The following FRMD5 variants were observed in gnomAD, a reference collection of about 807,000 sequenced individuals.
The protein encoded by FRMD5 is FERM domain containing 5.
Under a neutral mutation model 69.0 loss-of-function variants are expected in FRMD5, and 20 were observed. The observed-to-expected ratio is 0.29, with a 90% CI of 0.20 to 0.42. The LOEUF is 0.42. Among genes scored for constraint, FRMD5 ranks in the 10% least tolerant of loss-of-function variants. The pLI is 1.00. For synonymous variants in FRMD5, 271 were observed against 260.1 expected (o/e 1.04, Z -0.40); for missense variants, 595 against 708.6 (o/e 0.84, Z 1.82).
At chr15:44,087,377 T>C (rs1438193403) in intron 1 of FRMD5, among the ~76,000 whole-genome samples, 1 of 152,114 alleles carries the variant, frequency 6.6e-6, no homozygotes, top group Non-Finnish European at 1.5e-5. Context: ...TAACACGTAA[T>C]AACATATAAA....
chr15:44,090,832 A>G (rs1482947596), intron 1 of FRMD5, among the ~76,000 whole-genome samples: 3 of 152,194 alleles, frequency 2.0e-5, no homozygotes, highest in African/African-American at 4.8e-5. Flanking sequence ...TAATCACTCT[A>G]TGTCCCATGT....
At chr15:44,059,335 T>C (rs1444334428) in intron 1 of FRMD5, among the ~76,000 whole-genome samples, 1 of 152,082 alleles carries the variant, frequency 6.6e-6, no homozygotes, top group Non-Finnish European at 1.5e-5. Flanking sequence ...ATAAATGCTA[T>C]GATAGAGTCT....
intron 1 of FRMD5, among the ~76,000 whole-genome samples, chr15:43,931,140 G>A (rs769257763): frequency 5.3e-5 from 8 of 152,174 alleles, no homozygotes; most frequent in African/African-American, 1.9e-4. Context: ...CAGACAACTC[G>A]TTCATCTTTC....
At chr15:44,016,946 A>G (rs1280931143) in intron 1 of FRMD5, among the ~76,000 whole-genome samples, 2 of 151,912 alleles carry the variant, frequency 1.3e-5, no homozygotes, top group East Asian at 3.9e-4. Flanking sequence ...CACTGGGCTA[A>G]TTTTTTGTAG....
chr15:43,902,982 T>A (rs762600542), intron 6 of FRMD5, among the ~76,000 whole-genome samples: 2 of 152,154 alleles, frequency 1.3e-5, no homozygotes, highest in Admixed American at 6.5e-5. Context: ...TGAGCTCCCA[T>A]GCTCCACAAC....
intron 1 of FRMD5, among the ~76,000 whole-genome samples, chr15:44,148,003 T>C (rs2077382402): frequency 6.6e-6 from 1 of 151,684 alleles, no homozygotes; most frequent in Admixed American, 6.5e-5. Context: ...TATGACATTA[T>C]CAATTTAGTG....
At chr15:43,980,301 G>C (rs958114821) in intron 1 of FRMD5, among the ~76,000 whole-genome samples, 2 of 152,192 alleles carry the variant, frequency 1.3e-5, no homozygotes, top group African/African-American at 4.8e-5. Flanking sequence ...CACTCCTGCA[G>C]AAGTCCTTCA....
chr15:44,060,212 C>A (rs915445278), intron 1 of FRMD5, among the ~76,000 whole-genome samples: 2 of 152,164 alleles, frequency 1.3e-5, no homozygotes, highest in Non-Finnish European at 2.9e-5. Flanking sequence ...CATTCTACAG[C>A]CTAATCCAAC....
intron 1 of FRMD5, among the ~76,000 whole-genome samples, chr15:43,927,967 G>A (rs1459463159): frequency 6.6e-6 from 1 of 152,078 alleles, no homozygotes; most frequent in African/African-American, 2.4e-5. Context: ...CACTTGTAAG[G>A]CTCTTAGCTG....
rs947934386 is a variant in FRMD5, at chr15:44,077,709, G to A, written c.102+117244C>T. Among the ~76,000 whole-genome samples the A allele has an allele frequency of 8.5e-5, 13 of 152,154 alleles. 1 individual carries two copies. The South Asian group carries it at 1.9e-3, about 22-fold the overall frequency. ...GAAACGAAGTGACTGGATGTATGAA[G>A]TAACTAAGCCAGAAAAGTTCCTTCA... On this transcript the variant is annotated intron_variant, in intron 1 of 13. Transcript: ENST00000417257.
intron 1 of FRMD5, among the ~76,000 whole-genome samples, chr15:44,036,526 T>C (rs1273634584): frequency 1.3e-5 from 2 of 152,212 alleles, no homozygotes; most frequent in South Asian, 2.1e-4. Flanking sequence ...TTGCACAAGT[T>C]ACTTAACCCT....
chr15:44,197,315 G>A (rs1005196507), upstream of FRMD5, among the ~76,000 whole-genome samples: 1 of 152,166 alleles, frequency 6.6e-6, no homozygotes, highest in African/African-American at 2.4e-5. Flanking sequence ...AGATCTTGGA[G>A]ACAAGTAAAA....
chr15:44,097,704 CAGA>C (rs1281776433), intron 1 of FRMD5, among the ~76,000 whole-genome samples: 1 of 152,154 alleles, frequency 6.6e-6, no homozygotes, highest in African/African-American at 2.4e-5. Flanking sequence ...CTTCCGTGGG[CAGA>C]AGGACTGCTA....
intron 1 of FRMD5, chr15:44,063,601 G>A (rs1033628400): frequency 1.9e-6 from 1 of 524,692 alleles, no homozygotes; most frequent in Non-Finnish European, 3.7e-6. Context: ...AGTGGATATT[G>A]TTGCCATCAA....
chr15:44,059,011 G>A (rs1177773800), intron 1 of FRMD5, among the ~76,000 whole-genome samples: 1 of 152,114 alleles, frequency 6.6e-6, no homozygotes, highest in Non-Finnish European at 1.5e-5. Context: ...CAGGATCTTT[G>A]AGGACAAATA....
chr15:43,877,758 T>C (rs1255873353), intron 13 of FRMD5, among the ~76,000 whole-genome samples: 1 of 152,232 alleles, frequency 6.6e-6, no homozygotes, highest in Admixed American at 6.5e-5. Flanking sequence ...TTAAAGCACT[T>C]TGATTTTATC....
At chr15:43,946,429 T>C (rs1276500400) in intron 1 of FRMD5, among the ~76,000 whole-genome samples, 1 of 152,230 alleles carries the variant, frequency 6.6e-6, no homozygotes, top group East Asian at 1.9e-4. Flanking sequence ...GCACTAACTA[T>C]GTGCCATGTA....
At position 43,873,200 on chromosome 15, in the gene FRMD5, G is replaced by A. The variant is rs757326077; in HGVS notation, c.*685C>T. 12 of 1,550,300 alleles carry A rather than the reference G, an allele frequency of 7.7e-6. No homozygotes were observed. Among genetic ancestry groups the A allele is most frequent in the East Asian group, 2.4e-5 (1 of 40,934 alleles). ...CCCCTGATGCTGCTGTTGCTGTAGC[G>A]GTGGTCCCTTCAGATGCCCACTCTG... is the stretch of plus-strand genomic sequence containing the variant. On this transcript the variant is annotated 3_prime_UTR_variant, in exon 14 of 14. Transcript: ENST00000417257.
intron 1 of FRMD5, among the ~76,000 whole-genome samples, chr15:44,132,600 T>A (rs2077117684): frequency 6.6e-6 from 1 of 151,976 alleles, no homozygotes; most frequent in African/African-American, 2.4e-5. Context: ...AGCTAATTTT[T>A]CTATTTTTCG....
Sources: gnomAD v4.1 joint callset for allele counts (sites outside exome capture counted in the v4.1 genomes callset) on GRCh38, gnomAD v4.1.1 for gene constraint, MANE v1.5 for transcripts, NCBI Gene and HGNC (gene_info 2026-07-23, HGNC 2026-07-21) for gene names.